The following LRRC53 variants were observed in gnomAD, a reference collection of about 807,000 sequenced individuals.
LRRC53 encodes leucine-rich repeat-containing protein 53.
Under a neutral mutation model 13.6 loss-of-function variants are expected in LRRC53, and 25 were observed. The observed-to-expected ratio is 1.83, with a 90% CI of 1.34 to 2.56. The LOEUF (loss-of-function observed/expected upper bound fraction) is 2.56, where lower values mean the gene tolerates loss of function less well. LRRC53 is among the 30% of genes most tolerant of loss of function. The pLI, the probability that LRRC53 is intolerant of heterozygous loss-of-function variation, is 0.00. For missense variants in LRRC53, 527 were observed against 275.8 expected, an observed-to-expected ratio of 1.91 and a Z score of -6.45; for synonymous variants, 204 against 109.8, an observed-to-expected ratio of 1.86 and a Z score of -5.37.
At chr1:74,485,350 T>A (rs1034326875) in intron 1 of LRRC53, among the ~76,000 whole-genome samples, 6 of 152,144 alleles carry the variant, frequency 3.9e-5, no homozygotes, top group African/African-American at 1.4e-4. Context: ...CTCAGTTCAT[T>A]TATTTTAGTC....
At chr1:74,508,035 G>A (rs1669993547) in intron 1 of LRRC53, among the ~76,000 whole-genome samples, 1 of 152,198 alleles carries the variant, frequency 6.6e-6, no homozygotes, top group Non-Finnish European at 1.5e-5. Context: ...ATAATGCAAT[G>A]TGATTGTATA....
intron 1 of LRRC53, among the ~76,000 whole-genome samples, chr1:74,496,826 G>A (rs994803334): frequency 6.6e-6 from 1 of 152,000 alleles, no homozygotes; most frequent in Non-Finnish European, 1.5e-5. Flanking sequence ...CCTCCCACAG[G>A]GTATGAAATC....
chr1:74,502,890 A>G (rs1250265340), intron 1 of LRRC53, among the ~76,000 whole-genome samples: 2 of 151,956 alleles, frequency 1.3e-5, no homozygotes, highest in African/African-American at 2.4e-5. Flanking sequence ...AAACAGCCTC[A>G]CTCTCTGACC....
chr1:74,489,676 C>T (rs752614317), intron 1 of LRRC53, among the ~76,000 whole-genome samples: 2 of 152,064 alleles, frequency 1.3e-5, no homozygotes, highest in Non-Finnish European at 2.9e-5. Context: ...AGTTGGAATG[C>T]ATTGCTTTCA....
At chr1:74,518,475 T>TACCTCAAGGATCTCTGATTCTCCC in the LRRC53 span, among the ~76,000 whole-genome samples, 5 of 152,154 alleles carry the variant, frequency 3.3e-5, no homozygotes, top group Non-Finnish European at 5.9e-5. Context: ...ATGCTTTTCT[T>TACCTCAAGGATCTCTGATTCTCCC]ACCTCAAGGA....
At chr1:74,479,543 C>T (rs1422878300) in intron 3 of LRRC53, among the ~76,000 whole-genome samples, 1 of 152,142 alleles carries the variant, frequency 6.6e-6, no homozygotes, top group Non-Finnish European at 1.5e-5. Flanking sequence ...AGTCACACAG[C>T]TAATAGCAGA....
In LRRC53 at chr1:74,475,604, C is replaced by A; in HGVS notation, c.1111G>T (p.Gly371Trp). Residue 371 changes from glycine to tryptophan, a missense_variant, in exon 4 of 5, where the codon GGG becomes TGG. Gly to Trp is a radical substitution (Grantham distance 184). Coordinates refer to ENST00000294635, the MANE Select transcript of LRRC53 (RefSeq NM_001382280.1). ...ENEIKVMSTV[G>W]SRKEMPLLQE... is the part of the protein sequence containing the mutation. ...AAAAGTGGCATTTCTTTTCTGGACC[C>A]CACAGTGGACATGACCTTTATCTCG... The A allele has an allele frequency of 1.4e-6, 1 of 717,260 alleles. No individual in the cohort carries two copies. Among genetic ancestry groups the A allele is most frequent in the Non-Finnish European group, 2.6e-6 (1 of 384,960 alleles). The allele number at this position is 717,260 out of a possible 1,614,324, so 44.4% of individuals were successfully genotyped here. A position where few individuals can be genotyped will look rare whatever the true frequency, so the allele number is the denominator to read the frequency against.
In LRRC53 at chr1:74,470,880, C is replaced by T. The variant is rs1667893767; in HGVS notation, c.2742G>A (p.Lys914=). The T allele has an allele frequency of 2.5e-6, 1 of 400,552 alleles. No homozygotes were observed. Among genetic ancestry groups the T allele is most frequent in the Admixed American group, 4.4e-5 (1 of 22,716 alleles). The allele number at this position is 400,552 out of a possible 1,614,324, so 24.8% of individuals were successfully genotyped here. The change falls in exon 5 of 5, where the codon AAG becomes AAA. Residue 914 remains lysine, a synonymous_variant. Coordinates refer to ENST00000294635, the MANE Select transcript of LRRC53 (RefSeq NM_001382280.1). The part of the protein sequence containing the change: ...STEHMGQNVS[K]TSELNQFSLS... The stretch of plus-strand genomic sequence containing the variant: ...AAGAAAACTGATTTAACTCACTGGT[C>T]TTTGATACATTCTGTCCCATGTGCT...
At chr1:74,513,425 G>A (rs1646296912), upstream of LRRC53, among the ~76,000 whole-genome samples, 1 of 152,206 alleles carries the variant, frequency 6.6e-6, no homozygotes. Context: ...TGTTCCCTCA[G>A]AAGAAAAGGT....
intron 1 of LRRC53, among the ~76,000 whole-genome samples, chr1:74,502,968 T>C (rs1669710547): frequency 6.6e-6 from 1 of 152,204 alleles, no homozygotes; most frequent in African/African-American, 2.4e-5. Flanking sequence ...TCTAGGAACT[T>C]AACTGAAGTG....
chr1:74,475,704 A>G lies in LRRC53; in HGVS notation c.1011T>C (p.Asp337=). Residue 337 remains aspartate, a synonymous_variant, in exon 4 of 5, where the codon GAT becomes GAC. Transcript: ENST00000294635. The stretch of plus-strand genomic sequence containing the variant: ...TTGCCTCATGAGCACACAGGGGTTC[A>G]TCGAAGGTTCTGCAACAAAGGTTTT... ...TSENLCCRTF[D]EPLCAHEARN... 1.4e-6 allele frequency: 1 copy of G among 703,930 alleles called. No individual in the cohort carries two copies. The allele number at this position is 703,930 out of a possible 1,614,324, so 43.6% of individuals were successfully genotyped here.
At chr1:74,495,226 G>A (rs1393927498) in intron 1 of LRRC53, among the ~76,000 whole-genome samples, 4 of 152,324 alleles carry the variant, frequency 2.6e-5, no homozygotes, top group African/African-American at 9.6e-5. Context: ...CTGTGAGCGT[G>A]CATTCAAGGT....
At chr1:74,510,761 C>G (rs1187996532) in intron 1 of LRRC53, among the ~76,000 whole-genome samples, 2 of 152,216 alleles carry the variant, frequency 1.3e-5, no homozygotes, top group Non-Finnish European at 2.9e-5. Flanking sequence ...AATTAATCAA[C>G]TAGCTCACAA....
chr1:74,500,768 C>T (rs1261891851), intron 1 of LRRC53, among the ~76,000 whole-genome samples: 1 of 150,552 alleles, frequency 6.6e-6, no homozygotes, highest in Non-Finnish European at 1.5e-5. Context: ...TTACTTTTTT[C>T]CCTGCACCTT....
At chr1:74,473,061 G>A (rs1668014733) in intron 4 of LRRC53, among the ~76,000 whole-genome samples, 1 of 152,080 alleles carries the variant, frequency 6.6e-6, no homozygotes, top group Non-Finnish European at 1.5e-5. Context: ...TCTTCTTAAT[G>A]TCTGCCTCTA....
rs1669994331 is a variant in LRRC53, at chr1:74,508,044, T to C, written c.-27+4482A>G. On this transcript the variant is annotated intron_variant, in intron 1 of 4. Coordinates refer to ENST00000294635, the MANE Select transcript of LRRC53 (RefSeq NM_001382280.1). ...TGTATTATAATGCAATGTGATTGTA[T>C]ACAATGACGGGCACACGACTCTAGT... Among the ~76,000 whole-genome samples, 9 of 152,300 alleles carry C rather than the reference T, an allele frequency of 5.9e-5. No homozygotes were observed. The South Asian group carries it at 1.9e-3, about 32-fold the overall frequency.
chr1:74,469,770 G>T lies in LRRC53; in HGVS notation c.*108C>A. On this transcript the variant is annotated 3_prime_UTR_variant, in exon 5 of 5. Coordinates refer to ENST00000294635, the MANE Select transcript of LRRC53 (RefSeq NM_001382280.1). ...ACAAAGAGTTACTGAGGACGTTGTT[G>T]TCCTCCAAAATGATCCACTTCTAAT... 4 of 397,212 alleles carry T rather than the reference G, an allele frequency of 1.0e-5. No individual in the cohort carries two copies. The highest frequency in any genetic ancestry group is 1.8e-5 in the Non-Finnish European group (4 of 225,112). The allele number at this position is 397,212 out of a possible 1,614,324, so 24.6% of individuals were successfully genotyped here.
chr1:74,492,399 C>A, intron 1 of LRRC53: 7 of 1,198,324 alleles, frequency 5.8e-6, no homozygotes, highest in Non-Finnish European at 7.6e-6. Context: ...GTTTTCAGCC[C>A]ATTTTTCTTA....
intron 1 of LRRC53, among the ~76,000 whole-genome samples, chr1:74,491,812 C>T (rs1197520170): frequency 6.6e-6 from 1 of 152,166 alleles, no homozygotes; most frequent in Non-Finnish European, 1.5e-5. Context: ...TAATAACCTT[C>T]TAAATATATT....
Sources: gnomAD v4.1 joint callset for allele counts (sites outside exome capture counted in the v4.1 genomes callset) on GRCh38, gnomAD v4.1.1 for gene constraint, MANE v1.5 for transcripts, NCBI Gene and HGNC (gene_info 2026-07-23, HGNC 2026-07-21) for gene names.